The following LRRC4C variants were observed in gnomAD, a reference collection of about 807,000 sequenced individuals.
LRRC4C encodes leucine-rich repeat-containing protein 4C.
LRRC4C carries 5 observed loss-of-function variants against 33.6 expected under a neutral mutation model. The observed-to-expected ratio is 0.15, with a 90% CI of 0.08 to 0.31. The LOEUF (loss-of-function observed/expected upper bound fraction) is 0.31, where lower values mean the gene tolerates loss of function less well. LRRC4C is among the 10% of genes least tolerant of loss of function. The pLI, the probability that LRRC4C is intolerant of heterozygous loss-of-function variation, is 1.00. For synonymous variants in LRRC4C, 329 were observed against 302.0 expected, an observed-to-expected ratio of 1.09 and a Z score of -0.93; for missense variants, 560 against 796.7, an observed-to-expected ratio of 0.70 and a Z score of 3.58.
chr11:40,234,542 G>A (rs1247067514), intron 5 of LRRC4C, among the ~76,000 whole-genome samples: 1 of 152,172 alleles, frequency 6.6e-6, no homozygotes, highest in Non-Finnish European at 1.5e-5. Context: ...GCAAAGGTAA[G>A]AAGATCACTG....
chr11:41,326,305 T>C (rs1057209553), intron 1 of LRRC4C, among the ~76,000 whole-genome samples: 3 of 152,152 alleles, frequency 2.0e-5, no homozygotes, highest in African/African-American at 7.2e-5. Context: ...ACCAGTGGTT[T>C]GCCAGGGGCT....
chr11:41,102,394 A>G (rs768075518), intron 1 of LRRC4C, among the ~76,000 whole-genome samples: 7 of 152,068 alleles, frequency 4.6e-5, no homozygotes, highest in Non-Finnish European at 1.0e-4. Context: ...TGAAAGAAAA[A>G]GATTAAGTAG....
At chr11:40,447,335 T>G (rs1311737355) in intron 3 of LRRC4C, among the ~76,000 whole-genome samples, 1 of 152,158 alleles carries the variant, frequency 6.6e-6, no homozygotes, top group African/African-American at 2.4e-5. Flanking sequence ...ACTTCACAGA[T>G]GAAGAATCCA....
intron 2 of LRRC4C, among the ~76,000 whole-genome samples, chr11:40,910,403 C>G (rs571595365): frequency 4.5e-4 from 69 of 152,122 alleles, no homozygotes; most frequent in Middle Eastern, 3.2e-3. Context: ...AAATTATCAT[C>G]TGGTTATGGA....
chr11:40,156,886 C>A (rs1270257051), intron 5 of LRRC4C, among the ~76,000 whole-genome samples: 1 of 151,880 alleles, frequency 6.6e-6, no homozygotes, highest in Non-Finnish European at 1.5e-5. Context: ...AAATACCACA[C>A]AATTTTTTAC....
chr11:40,187,651 T>C (rs1422621010), intron 5 of LRRC4C, among the ~76,000 whole-genome samples: 2 of 152,184 alleles, frequency 1.3e-5, no homozygotes, highest in East Asian at 3.9e-4. Context: ...AAAGGGACTC[T>C]GGCAAGTTAG....
intron 1 of LRRC4C, among the ~76,000 whole-genome samples, chr11:41,029,883 A>C (rs1490958463): frequency 1.3e-5 from 2 of 151,820 alleles, no homozygotes; most frequent in African/African-American, 2.4e-5. Context: ...GGGAAAACAC[A>C]AGGAAGCCAA....
intron 3 of LRRC4C, among the ~76,000 whole-genome samples, chr11:40,501,633 G>A (rs551486617): frequency 1.3e-5 from 2 of 152,116 alleles, no homozygotes; most frequent in East Asian, 1.9e-4. Flanking sequence ...TGGAGTGGCT[G>A]GGAAGCAGGG....
chr11:40,195,946 A>C (rs1301407197), intron 5 of LRRC4C, among the ~76,000 whole-genome samples: 1 of 152,204 alleles, frequency 6.6e-6, no homozygotes, highest in Non-Finnish European at 1.5e-5. Context: ...TTCAGTAATA[A>C]TCTATATAGT....
At chr11:40,782,941 T>TCA (rs1385611284) in intron 2 of LRRC4C, among the ~76,000 whole-genome samples, 2 of 152,270 alleles carry the variant, frequency 1.3e-5, no homozygotes, top group South Asian at 2.1e-4. Context: ...TGTGTGTATT[T>TCA]TATATATATT....
chr11:40,675,958 T>C (rs1944378172), intron 2 of LRRC4C, among the ~76,000 whole-genome samples: 1 of 152,174 alleles, frequency 6.6e-6, no homozygotes, highest in African/African-American at 2.4e-5. Flanking sequence ...ACTATGGTCT[T>C]AGGTGTTGCT....
intron 1 of LRRC4C, among the ~76,000 whole-genome samples, chr11:41,281,078 C>CTCTCTCTCCTCT (rs1491428513): frequency 1.2e-5 from 1 of 83,120 alleles, no homozygotes; most frequent in African/African-American, 5.4e-5. Context: ...CTCTCTCTGT[C>CTCTCTCTCCTCT]CTCTCTCTCT....
At chr11:40,707,576 G>T (rs758900607) in intron 2 of LRRC4C, among the ~76,000 whole-genome samples, 3 of 152,204 alleles carry the variant, frequency 2.0e-5, no homozygotes, top group Non-Finnish European at 4.4e-5. Flanking sequence ...GACCTTGGTG[G>T]ATAAGCTTTT....
chr11:41,021,016 T>C (rs1401160424), intron 1 of LRRC4C, among the ~76,000 whole-genome samples: 3 of 152,200 alleles, frequency 2.0e-5, no homozygotes, highest in African/African-American at 7.2e-5. Flanking sequence ...CATCACTTGC[T>C]CTCTAACCTT....
At chr11:40,726,099 T>C (rs1034485976) in intron 2 of LRRC4C, among the ~76,000 whole-genome samples, 3 of 151,752 alleles carry the variant, frequency 2.0e-5, no homozygotes, top group East Asian at 3.9e-4. Flanking sequence ...CAGGAAGAGA[T>C]TGAAAGCCTG....
intron 1 of LRRC4C, among the ~76,000 whole-genome samples, chr11:41,089,715 T>G (rs1940263981): frequency 1.3e-5 from 2 of 152,092 alleles, no homozygotes; most frequent in African/African-American, 2.4e-5. Context: ...ATTTACAATG[T>G]TTGGGTGATG....
chr11:40,548,862 A>G (rs1957028630), intron 3 of LRRC4C, among the ~76,000 whole-genome samples: 1 of 152,150 alleles, frequency 6.6e-6, no homozygotes, highest in South Asian at 2.1e-4. Flanking sequence ...CCCTGTACCC[A>G]CCTGCTTGCA....
At chr11:40,233,669 A>G (rs576220030) in intron 5 of LRRC4C, among the ~76,000 whole-genome samples, 2 of 152,336 alleles carry the variant, frequency 1.3e-5, no homozygotes, top group African/African-American at 4.8e-5. Context: ...AAGAAACAAT[A>G]TTACAATGAC....
chr11:41,334,806 T>C (rs774363640), intron 1 of LRRC4C, among the ~76,000 whole-genome samples: 3 of 152,054 alleles, frequency 2.0e-5, no homozygotes, highest in Admixed American at 6.6e-5. Context: ...AGCTATGCAC[T>C]CATTCCACTG....
Sources: allele counts gnomAD v4.1 joint callset (sites outside exome capture counted in the v4.1 genomes callset), GRCh38; gene constraint gnomAD v4.1.1; transcripts MANE v1.5; gene names NCBI Gene and HGNC (gene_info 2026-07-23, HGNC 2026-07-21).